Variants in NRCAM observed in about 807,000 individuals in gnomAD.
NRCAM encodes NgCAM-related cell adhesion molecule.
In NRCAM, 83 loss-of-function variants were observed where a neutral mutation model predicts 156.5. That is an observed-to-expected ratio of 0.53 (90% CI 0.44 to 0.64). The LOEUF is 0.64. Ranked by LOEUF, NRCAM falls within the 30% of genes least tolerant of loss-of-function variation. The pLI is 0.00. For missense variants in NRCAM, 1,417 were observed against 1,597.3 expected, an observed-to-expected ratio of 0.89 and a Z score of 1.92; for synonymous variants, 538 against 563.9, an observed-to-expected ratio of 0.95 and a Z score of 0.65.
chr7:108,236,982 G>A (rs961830115), intron 5 of NRCAM, among the ~76,000 whole-genome samples: 1 of 152,166 alleles, frequency 6.6e-6, no homozygotes, highest in African/African-American at 2.4e-5. Flanking sequence ...ACTGCCAGGA[G>A]TTTACTGTCT....
chr7:108,263,768 C>T (rs1393959520), intron 3 of NRCAM, among the ~76,000 whole-genome samples: 1 of 152,170 alleles, frequency 6.6e-6, no homozygotes, highest in African/African-American at 2.4e-5. Flanking sequence ...GTGCCACCAG[C>T]AAGGAACACA....
intron 1 of NRCAM, among the ~76,000 whole-genome samples, chr7:108,437,957 GA>G (rs1269183847): frequency 7.0e-6 from 1 of 142,350 alleles, no homozygotes; most frequent in Admixed American, 7.0e-5. Flanking sequence ...AATAGTTCAA[GA>G]AAAAAAGAAT....
At position 108,177,979 on chromosome 7, in the gene NRCAM, C is replaced by A; in HGVS notation, c.2974+11G>T. On this transcript the variant is annotated intron_variant, in intron 26 of 32. Transcript: ENST00000379028. ...AACATATTTCCCCTTCTCTTCCTCC[C>A]AACAGCTTACTTGGCTGATACTTTA... is the stretch of plus-strand genomic sequence containing the variant. The A allele has an allele frequency of 1.3e-6, 2 of 1,590,576 alleles. No homozygotes were observed. Among genetic ancestry groups the A allele is most frequent in the Non-Finnish European group, 1.7e-6 (2 of 1,169,942 alleles).
chr7:108,350,395 G>C (rs1023350575), intron 2 of NRCAM, among the ~76,000 whole-genome samples: 4 of 152,196 alleles, frequency 2.6e-5, no homozygotes, highest in Non-Finnish European at 5.9e-5. Flanking sequence ...GGAGTGCTCA[G>C]CCTAGGTGCG....
intron 3 of NRCAM, among the ~76,000 whole-genome samples, chr7:108,258,674 C>T (rs1488330667): frequency 2.0e-5 from 3 of 152,146 alleles, no homozygotes; most frequent in Non-Finnish European, 4.4e-5. Context: ...ACCTGTAAAA[C>T]GGGGCTAATT....
chr7:108,292,822 G>A (rs1319213045), intron 3 of NRCAM, among the ~76,000 whole-genome samples: 1 of 152,186 alleles, frequency 6.6e-6, no homozygotes. Context: ...AAAATTAGCT[G>A]TTGTTATTTT....
intron 3 of NRCAM, among the ~76,000 whole-genome samples, chr7:108,247,113 T>C (rs760121775): frequency 2.0e-5 from 3 of 152,160 alleles, no homozygotes; most frequent in South Asian, 2.1e-4. Context: ...CAGCCAAAAA[T>C]AGCTGAGCCA....
chr7:108,184,497 G>T lies in NRCAM; in HGVS notation c.2153C>A (p.Ser718Tyr). 2 of 1,614,174 alleles carry T rather than the reference G, an allele frequency of 1.2e-6. No individual in the cohort carries two copies. The highest frequency in any genetic ancestry group is 1.7e-6 in the Non-Finnish European group (2 of 1,180,032). ...QLKLSPYVNY[S>Y]FRVMAVNSIG... Reference sequence around the variant, plus strand: ...GCTGTTCACTGCCATCACGCGGAAGGAGTAGTTCACGTAAGGAGACAGCTT... The same window carrying T: ...GCTGTTCACTGCCATCACGCGGAAGTAGTAGTTCACGTAAGGAGACAGCTT... The change falls in exon 21 of 33, where the codon TCC becomes TAC. Residue 718 changes from serine to tyrosine, a missense_variant. This residue lies in a region of NRCAM where 1,238 missense variants were observed against 1,336.4 expected (regional missense o/e 0.93). Coordinates refer to ENST00000379028, the MANE Select transcript of NRCAM (RefSeq NM_001037132.4).
At chr7:108,327,576 G>T (rs946223233) in intron 2 of NRCAM, among the ~76,000 whole-genome samples, 2 of 152,136 alleles carry the variant, frequency 1.3e-5, no homozygotes, top group African/African-American at 4.8e-5. Context: ...ATTGCATTAG[G>T]TATAATCACA....
chr7:108,446,647 C>T (rs1040622027), intron 1 of NRCAM, among the ~76,000 whole-genome samples: 1 of 152,134 alleles, frequency 6.6e-6, no homozygotes, highest in African/African-American at 2.4e-5. Flanking sequence ...CTTTATCATG[C>T]AGACTCGGCC....
At chr7:108,168,732 G>C (rs1308815561) in intron 28 of NRCAM, among the ~76,000 whole-genome samples, 2 of 152,184 alleles carry the variant, frequency 1.3e-5, no homozygotes, top group Non-Finnish European at 2.9e-5. Context: ...GTGATGGAGA[G>C]GGGGATTGCT....
chr7:108,276,626 T>C (rs2097636216), intron 3 of NRCAM, among the ~76,000 whole-genome samples: 1 of 152,190 alleles, frequency 6.6e-6, no homozygotes, highest in South Asian at 2.1e-4. Context: ...AGCCTATGTG[T>C]GTCTGTGCAC....
At chr7:108,242,312 T>A (rs2153817376) in intron 3 of NRCAM, among the ~76,000 whole-genome samples, 1 of 148,230 alleles carries the variant, frequency 6.7e-6, no homozygotes, top group South Asian at 2.2e-4. Context: ...TACACTTACA[T>A]AAATATTATT....
chr7:108,453,237 A>G (rs555096539), intron 1 of NRCAM, among the ~76,000 whole-genome samples: 42 of 152,358 alleles, frequency 2.8e-4, no homozygotes, highest in African/African-American at 9.6e-4. Flanking sequence ...GTACATACAC[A>G]ATATAATATC....
At chr7:108,261,631 T>C (rs1364609247) in intron 3 of NRCAM, among the ~76,000 whole-genome samples, 1 of 152,186 alleles carries the variant, frequency 6.6e-6, no homozygotes, top group Non-Finnish European at 1.5e-5. Flanking sequence ...GGACCCCTCG[T>C]GTGCACCACT....
chr7:108,383,984 C>T (rs1169386377), intron 2 of NRCAM, among the ~76,000 whole-genome samples: 1 of 152,110 alleles, frequency 6.6e-6, no homozygotes, highest in Non-Finnish European at 1.5e-5. Context: ...ATTTGATTTT[C>T]TGTTCCTAAG....
chr7:108,223,506 A>G (rs575028890), intron 11 of NRCAM, among the ~76,000 whole-genome samples: 1 of 152,344 alleles, frequency 6.6e-6, no homozygotes, highest in East Asian at 1.9e-4. Context: ...TAAGGTGATT[A>G]CTGATACTTA....
At chr7:108,389,469 G>T (rs928523892) in intron 2 of NRCAM, among the ~76,000 whole-genome samples, 1 of 152,170 alleles carries the variant, frequency 6.6e-6, no homozygotes, top group Non-Finnish European at 1.5e-5. Flanking sequence ...AGATGATGGG[G>T]TTTTCTAAGT....
chr7:108,368,033 T>C (rs922369191), intron 2 of NRCAM, among the ~76,000 whole-genome samples: 2 of 152,166 alleles, frequency 1.3e-5, no homozygotes, highest in African/African-American at 4.8e-5. Flanking sequence ...CACCATGATA[T>C]AGAGCTGGAT....
Sources: gnomAD v4.1 joint callset for allele counts (sites outside exome capture counted in the v4.1 genomes callset) on GRCh38, gnomAD v4.1.1 for gene constraint, gnomAD v4.1.1 regional missense constraint, MANE v1.5 for transcripts, NCBI Gene and HGNC (gene_info 2026-07-23, HGNC 2026-07-21) for gene names.